ANO3: variants seen among roughly 807,000 people sequenced by gnomAD.
ANO3 encodes the protein anoctamin-3.
ANO3 carries 99 observed loss-of-function variants against 144.8 expected under a neutral mutation model. That is an observed-to-expected ratio of 0.68 (90% CI 0.58 to 0.81). ANO3 has a LOEUF of 0.81. Among genes scored for constraint, ANO3 ranks in the 30% least tolerant of loss-of-function variants. The pLI is 0.00. For synonymous variants in ANO3, 414 were observed against 392.6 expected (o/e 1.05, Z -0.64); for missense variants, 905 against 1,202.2 (o/e 0.75, Z 3.66).
chr11:26,510,058 C>T (rs1038335110), intron 5 of ANO3, among the ~76,000 whole-genome samples: 5 of 146,902 alleles, frequency 3.4e-5, no homozygotes, highest in African/African-American at 1.3e-4. Flanking sequence ...CACTTGAACC[C>T]GGGAGATGGA....
rs1271315185 is a variant in ANO3, at chr11:26,271,785, C to T, written c.155-37860C>T. On this transcript the variant is annotated intron_variant, in intron 1 of 27. Coordinates refer to the ANO3 transcript ENST00000672621. ...AAGGGTAAATATTCTTTCCGCCTAG[C>T]ACAGTAATTTGTATATCTGAGAATT... 3.5e-3 allele frequency among the ~76,000 whole-genome samples: 519 copies of T among 146,696 alleles called. 1 individual carries two copies. Among genetic ancestry groups the T allele is most frequent in the African/African-American group, 0.012 (499 of 41,124 alleles).
intron 14 of ANO3, chr11:26,572,383 C>T (rs1048154461): frequency 3.6e-5 from 12 of 337,608 alleles, no homozygotes; most frequent in Middle Eastern, 1.5e-3. Flanking sequence ...TAGCAAAACA[C>T]GGGTCATCAA....
chr11:26,317,426 C>T lies in ANO3; in HGVS notation c.-3+7707C>T, dbSNP rs980600403. ...AAATAAATTTACAAGAAAAAAAAAA[C>T]AACCCCATCAAAAAGTCGGCAAAGG... On this transcript the variant is annotated intron_variant, in intron 1 of 26. Coordinates refer to the ANO3 transcript ENST00000525139. 4.6e-5 allele frequency among the ~76,000 whole-genome samples: 7 copies of T among 151,322 alleles called. No individual in the cohort carries two copies. The East Asian group carries it at 1.2e-3, about 25-fold the overall frequency.
intron 1 of ANO3, among the ~76,000 whole-genome samples, chr11:26,394,143 C>T (rs552942726): frequency 1.3e-5 from 2 of 152,248 alleles, no homozygotes; most frequent in Admixed American, 1.3e-4. Flanking sequence ...TTTTCCCAAA[C>T]TGCTTTCATA....
chr11:26,402,683 G>C (rs1857179384), intron 1 of ANO3, among the ~76,000 whole-genome samples: 1 of 151,840 alleles, frequency 6.6e-6, no homozygotes, highest in Non-Finnish European at 1.5e-5. Context: ...ACATAGAGGG[G>C]AACAATACAC....
At chr11:26,658,095 A>T (rs895636070) in intron 26 of ANO3, among the ~76,000 whole-genome samples, 11 of 101,804 alleles carry the variant, frequency 1.1e-4, no homozygotes, top group Non-Finnish European at 1.7e-4. Context: ...GTGGTTTCAT[A>T]GTTTCAGGAC....
At chr11:26,245,692 A>G (rs1852775289) in intron 1 of ANO3, among the ~76,000 whole-genome samples, 1 of 152,200 alleles carries the variant, frequency 6.6e-6, no homozygotes, top group South Asian at 2.1e-4. Flanking sequence ...AATAGGATAA[A>G]TGGCATGCAA....
At chr11:26,509,776 TCTC>T (rs1314859621) in intron 5 of ANO3, among the ~76,000 whole-genome samples, 2 of 152,138 alleles carry the variant, frequency 1.3e-5, no homozygotes, top group East Asian at 3.9e-4. Context: ...CCACAGAACA[TCTC>T]CTGGAATTAG....
chr11:26,428,345 C>T (rs10742138), intron 1 of ANO3, among the ~76,000 whole-genome samples: 96,726 of 151,502 alleles, frequency 0.64, 32,821 homozygotes, highest in Admixed American at 0.79. Context: ...TGGTCAACTC[C>T]GAAACATATT....
At position 26,526,129 on chromosome 11, in the gene ANO3, G is replaced by A. The variant is rs570209012; in HGVS notation, c.737+450G>A. 7.2e-5 allele frequency among the ~76,000 whole-genome samples: 11 copies of A among 152,184 alleles called. No homozygotes were observed. In the South Asian group the frequency reaches 1.5e-3, roughly 20 times the overall value. On this transcript the variant is annotated intron_variant, in intron 7 of 26. Coordinates refer to ENST00000256737, the MANE Select transcript of ANO3 (RefSeq NM_031418.4). ...AGGTGCTTTACCAAGGCCATGTACC[G>A]TCTTTTGAATTGCAGACCCACTCTC...
chr11:26,216,356 T>C (rs914242588), intron 1 of ANO3, among the ~76,000 whole-genome samples: 17 of 152,002 alleles, frequency 1.1e-4, no homozygotes, highest in African/African-American at 3.9e-4. Flanking sequence ...TGATCTTTTT[T>C]ACCATCTCTA....
intron 23 of ANO3, among the ~76,000 whole-genome samples, chr11:26,645,923 A>T (rs1853329065): frequency 6.6e-6 from 1 of 152,150 alleles, no homozygotes; most frequent in Non-Finnish European, 1.5e-5. Context: ...AAAAACTTCC[A>T]TTTCAGCTTT....
intron 1 of ANO3, among the ~76,000 whole-genome samples, chr11:26,364,730 T>G (rs1195945359): frequency 6.6e-6 from 1 of 151,512 alleles, no homozygotes; most frequent in Non-Finnish European, 1.5e-5. Context: ...AAATCATTCA[T>G]GAGAAATCCA....
Position 26,385,449 on chromosome 11 carries a change from G to T in ANO3, c.46+53128G>T, listed in dbSNP as rs1443417150. Reference sequence around the variant, plus strand: ...CTAAAGTCAAGATATCAGTATGGCTGATTTCTTCTGCAGGTTGTAGGGGAA... The same window carrying T: ...CTAAAGTCAAGATATCAGTATGGCTTATTTCTTCTGCAGGTTGTAGGGGAA... On this transcript the variant is annotated intron_variant, in intron 1 of 26. Coordinates refer to ENST00000256737, the MANE Select transcript of ANO3 (RefSeq NM_031418.4). 3.9e-5 allele frequency among the ~76,000 whole-genome samples: 6 copies of T among 152,182 alleles called. 1 individual carries two copies. The South Asian group carries it at 1.2e-3, about 32-fold the overall frequency.
intron 1 of ANO3, among the ~76,000 whole-genome samples, chr11:26,404,929 A>ATG (rs1182412626): frequency 7.9e-5 from 3 of 38,044 alleles, no homozygotes; most frequent in East Asian, 2.5e-3. Context: ...AGGAATTTAT[A>ATG]TATATGTGTG....
intron 3 of ANO3, among the ~76,000 whole-genome samples, chr11:26,453,036 T>C (rs1238911092): frequency 6.6e-6 from 1 of 151,452 alleles, no homozygotes; most frequent in African/African-American, 2.4e-5. Context: ...TGCTGAGAGA[T>C]TTTGTCACCA....
At chr11:26,234,964 C>A (rs1852483128) in intron 1 of ANO3, among the ~76,000 whole-genome samples, 1 of 130,496 alleles carries the variant, frequency 7.7e-6, no homozygotes, top group Admixed American at 7.9e-5. Context: ...TGATTGATGT[C>A]TCAGCTCAAG....
At chr11:26,464,779 T>C (rs976182913) in intron 4 of ANO3, among the ~76,000 whole-genome samples, 8 of 151,874 alleles carry the variant, frequency 5.3e-5, no homozygotes, top group Admixed American at 2.0e-4. Flanking sequence ...CCTTCTCCTA[T>C]TATACTTCCA....
At chr11:26,359,288 CTGGT>C (rs1283941614) in intron 1 of ANO3, among the ~76,000 whole-genome samples, 2 of 152,162 alleles carry the variant, frequency 1.3e-5, no homozygotes, top group African/African-American at 4.8e-5. Flanking sequence ...AGTGCTCAAT[CTGGT>C]TATTTCTCAC....
Sources: gnomAD v4.1 joint callset for allele counts (sites outside exome capture counted in the v4.1 genomes callset) on GRCh38, gnomAD v4.1.1 for gene constraint, MANE v1.5 for transcripts, NCBI Gene and HGNC (gene_info 2026-07-23, HGNC 2026-07-21) for gene names.